Variants in COG1 observed in about 807,000 individuals in gnomAD.
COG1 encodes conserved oligomeric Golgi complex subunit 1.
A neutral mutation model predicts 102.2 loss-of-function variants in COG1; 61 were observed. The observed-to-expected ratio is 0.60, with a 90% confidence interval of 0.49 to 0.74. The LOEUF (loss-of-function observed/expected upper bound fraction) is 0.74, where lower values mean the gene tolerates loss of function less well. COG1 is among the 30% of genes least tolerant of loss of function. The pLI is 0.00. For missense variants in COG1, 1,164 were observed against 1,232.1 expected, an observed-to-expected ratio of 0.94 and a Z score of 0.83; for synonymous variants, 454 against 493.6, an observed-to-expected ratio of 0.92 and a Z score of 1.06.
chr17:73,206,423 A>G (rs2061372600), intron 11 of COG1, among the ~76,000 whole-genome samples, 161 bp downstream of exon 11: 1 of 152,196 alleles, frequency 6.6e-6, no homozygotes, highest in Admixed American at 6.5e-5. Context: ...AGGATTAGAT[A>G]AAATCTCACA....
intron 3 of COG1, 23 bp downstream of exon 3, chr17:73,197,104 AT>A: frequency 6.2e-7 from 1 of 1,614,064 alleles, no homozygotes; most frequent in Non-Finnish European, 8.5e-7. Flanking sequence ...TCTGGCCAAC[AT>A]TTGGTCCTTA....
Position 73,206,239 on chromosome 17 carries a change from C to T in COG1, c.2596C>T (p.His866Tyr), listed in dbSNP as rs2061371132. The change falls in exon 11 of 14, where the codon CAT becomes TAT. Residue 866 changes from histidine (H) to tyrosine (Y), a missense_variant. Coordinates refer to ENST00000299886, the MANE Select transcript of COG1 (RefSeq NM_018714.3). ...CACGCCACACCTCAACAGCAACCTTCATCGCCTGGTGCAGCGAACTTCTGT... is the reference window on the plus strand; with the variant it reads ...CACGCCACACCTCAACAGCAACCTTTATCGCCTGGTGCAGCGAACTTCTGT... Reference protein sequence around the residue: ...VFTPHLNSNLHRLVQRTSVLF... With the variant: ...VFTPHLNSNLYRLVQRTSVLF... The T allele has an allele frequency of 1.2e-6, 2 of 1,613,994 alleles. No individual in the cohort carries two copies. The highest frequency in any genetic ancestry group is 2.7e-5 in the African/African-American group (2 of 74,940).
intron 9 of COG1, chr17:73,205,331 T>C: frequency 1.8e-6 from 1 of 548,016 alleles, no homozygotes; most frequent in Non-Finnish European, 3.3e-6. Context: ...GAGGCCTTTT[T>C]TAAGGGCCAG....
chr17:73,201,826 T>C lies in COG1; in HGVS notation c.1999T>C (p.Trp667Arg). Residue 667 changes from tryptophan to arginine, a missense_variant, in exon 7 of 14, where the codon TGG (tryptophan) becomes CGG (arginine). Trp to Arg is a moderately radical substitution (Grantham distance 101). Coordinates refer to ENST00000299886, the MANE Select transcript of COG1 (RefSeq NM_018714.3). ...TQEIIPTQAK[W>R]QEVKEVLLQQ... is the part of the protein sequence containing the mutation. ...GGAAATCATTCCTACACAGGCCAAG[T>C]GGCAAGAGGTTAAAGAAGTACTCCT... 2 of 1,614,116 alleles carry C rather than the reference T, an allele frequency of 1.2e-6. No homozygotes were observed. Among genetic ancestry groups the C allele is most frequent in the Non-Finnish European group, 1.7e-6 (2 of 1,180,022 alleles).
At chr17:73,207,331 T>A (rs1052365669) in intron 13 of COG1, 75 bp downstream of exon 13, 2 of 1,311,394 alleles carry the variant, frequency 1.5e-6, no homozygotes, top group African/African-American at 2.9e-5. Context: ...ATCAGCTCCC[T>A]TTTAAATAAC....
Position 73,197,206 on chromosome 17 carries a change from A to G in COG1, c.743-20A>G, listed in dbSNP as rs1568295340. On this transcript the variant is annotated intron_variant, in intron 3 of 13. Coordinates refer to ENST00000299886, the MANE Select transcript of COG1 (RefSeq NM_018714.3). ...TTTGGGAAAGGTAATTGTTTCAAAG[A>G]GGATGGTTTCTTCTTTTAGGTGCTG... is the stretch of plus-strand genomic sequence containing the variant. The G allele has an allele frequency of 3.7e-6, 6 of 1,614,172 alleles. No homozygotes were observed. The highest frequency in any genetic ancestry group is 1.7e-5 in the Admixed American group (1 of 60,028).
chr17:73,201,224 A>T lies in COG1; in HGVS notation c.1397A>T (p.His466Leu). Reference protein sequence around the residue: ...TSNSPSNKHIHFEYNMSLFLW... With the variant: ...TSNSPSNKHILFEYNMSLFLW... ...AACTCCCCTTCAAATAAGCACATCC[A>T]CTTTGAGTACAACATGTCGCTCTTC... The change falls in exon 7 of 14, where the codon CAC (histidine) becomes CTC (leucine). Residue 466 changes from histidine to leucine, a missense_variant. Physicochemically the swap from His to Leu is moderately conservative, Grantham distance 99. Transcript: ENST00000299886. The T allele has an allele frequency of 6.2e-7, 1 of 1,614,040 alleles. No homozygotes were observed. The highest frequency in any genetic ancestry group is 1.6e-4 in the Middle Eastern group (1 of 6,062).
intron 5 of COG1, 127 bp from the exon 6 acceptor site, chr17:73,200,438 GA>G: frequency 1.1e-6 from 1 of 936,374 alleles, no homozygotes; most frequent in Non-Finnish European, 1.8e-6. Flanking sequence ...TATCAACACT[GA>G]GACACATAGA....
chr17:73,195,568 C>A (rs112468637), intron 1 of COG1, among the ~76,000 whole-genome samples: 5,842 of 150,466 alleles, frequency 0.039, 340 homozygotes, highest in African/African-American at 0.12. Context: ...GAGCCATGAT[C>A]GCACCACTGC....
chr17:73,200,951 A>G (rs1010373864), intron 6 of COG1, among the ~76,000 whole-genome samples, 158 bp from the exon 7 acceptor site: 1 of 152,144 alleles, frequency 6.6e-6, no homozygotes, highest in Non-Finnish European at 1.5e-5. Context: ...GAATGGGCCC[A>G]TGTTCATCAA....
intron 11 of COG1, 78 bp downstream of exon 11, chr17:73,206,340 G>A (rs537293991): frequency 1.4e-4 from 152 of 1,100,148 alleles, no homozygotes; most frequent in Admixed American, 2.0e-4. Context: ...GCTCAAGCAC[G>A]TAATACTCCA....
At chr17:73,195,749 C>G (rs1050862624) in intron 1 of COG1, among the ~76,000 whole-genome samples, 1 of 152,180 alleles carries the variant, frequency 6.6e-6, no homozygotes, top group Non-Finnish European at 1.5e-5. Context: ...CCTGTCTCTA[C>G]TGAAAATACA....
chr17:73,193,418 G>A, intron 1 of COG1, 34 bp downstream of exon 1: 2 of 1,388,762 alleles, frequency 1.4e-6, no homozygotes. Flanking sequence ...GCGACCCGCA[G>A]GCGGGTCCCG....
Position 73,206,039 on chromosome 17 carries a change from C to A in COG1, c.2511-115C>A, listed in dbSNP as rs980009103. On this transcript the variant is annotated intron_variant, in intron 10 of 13. Coordinates refer to ENST00000299886, the MANE Select transcript of COG1 (RefSeq NM_018714.3). ...TATCATCAGTGACAAACGTACTAAG[C>A]CAGCAACTAAGTAGAATAAAACCCA... 1.6e-5 allele frequency: 14 copies of A among 881,498 alleles called. No homozygotes were observed. In the African/African-American group the frequency reaches 2.0e-4, roughly 12 times the overall value. 54.6% of individuals were successfully genotyped at this position (881,498 alleles called of 1,614,324 possible).
At chr17:73,203,518 TGA>T (rs959446691) in intron 8 of COG1, 112 bp from the exon 9 acceptor site, 6 of 1,283,318 alleles carry the variant, frequency 4.7e-6, no homozygotes, top group Non-Finnish European at 6.8e-6. Flanking sequence ...GAAGCGTTGC[TGA>T]GAGGGGTCAA....
At chr17:73,206,659 T>G in intron 11 of COG1, 49 bp from the exon 12 acceptor site, 2 of 1,185,868 alleles carry the variant, frequency 1.7e-6, no homozygotes, top group Non-Finnish European at 2.5e-6. Context: ...TTTTTTTGCC[T>G]TTCTTTTACC....
At chr17:73,207,919 T>G (rs956469994) in intron 13 of COG1, 7 of 1,187,424 alleles carry the variant, frequency 5.9e-6, no homozygotes, top group Non-Finnish European at 7.4e-6. Flanking sequence ...CTTTAAAAGT[T>G]GGGAGATGGT....
chr17:73,196,299 G>A (rs1225154716), intron 1 of COG1, among the ~76,000 whole-genome samples: 2 of 152,144 alleles, frequency 1.3e-5, no homozygotes, highest in Non-Finnish European at 2.9e-5. Context: ...AAATGCACGC[G>A]TGTGTAGGAA....
chr17:73,193,519 C>G, intron 1 of COG1, 135 bp downstream of exon 1: 1 of 828,326 alleles, frequency 1.2e-6, no homozygotes, highest in Non-Finnish European at 1.7e-6. Flanking sequence ...GCCTATCCGC[C>G]CCTCACCCTT....
Sources: allele counts gnomAD v4.1 joint callset (sites outside exome capture counted in the v4.1 genomes callset), GRCh38; gene constraint gnomAD v4.1.1; transcripts MANE v1.5; gene names NCBI Gene and HGNC (gene_info 2026-07-23, HGNC 2026-07-21).